FNBP4: variants seen among roughly 807,000 people sequenced by gnomAD.
FNBP4 encodes the protein formin-binding protein 4.
In FNBP4, 34 loss-of-function variants were observed where a neutral mutation model predicts 119.3. The observed-to-expected ratio is 0.28, with a 90% CI of 0.22 to 0.38. The LOEUF is 0.38. Ranked by LOEUF, FNBP4 falls within the 10% of genes least tolerant of loss-of-function variation. FNBP4 has a pLI of 1.00. For missense variants in FNBP4, 1,112 were observed against 1,228.9 expected (o/e 0.90, Z 1.42); for synonymous variants, 462 against 430.6 (o/e 1.07, Z -0.90).
chr11:47,733,089 G>A (rs1055689270), intron 10 of FNBP4, among the ~76,000 whole-genome samples: 2 of 152,184 alleles, frequency 1.3e-5, no homozygotes, highest in African/African-American at 4.8e-5. Flanking sequence ...TTGCACTCCA[G>A]CCTGGGCGAC....
chr11:47,741,050 G>A (rs1269398548), intron 8 of FNBP4, among the ~76,000 whole-genome samples: 2 of 150,750 alleles, frequency 1.3e-5, no homozygotes, highest in Admixed American at 1.3e-4. Context: ...TGCAGTTTTG[G>A]TAGAGACGGG....
intron 7 of FNBP4, 59 bp downstream of exon 7, chr11:47,745,997 G>A: frequency 1.5e-6 from 2 of 1,343,806 alleles, no homozygotes; most frequent in Non-Finnish European, 2.0e-6. Context: ...CAAGCACAAT[G>A]ATCCCTGTAG....
chr11:47,743,860 T>G (rs1325012536), intron 8 of FNBP4, 93 bp downstream of exon 8: 1 of 1,106,628 alleles, frequency 9.0e-7, no homozygotes, highest in Non-Finnish European at 1.3e-6. Context: ...AAGTACAATC[T>G]CCTGTTTTGT....
In FNBP4 at chr11:47,737,193, AAAAT is replaced by A. The variant is rs199781894; in HGVS notation, c.1457-457_1457-454del. ...GTGACAGAGTGAGACTCCATCTCAA[AAAAT>A]AAATAAATAAAATAAAAATCCTTTA... On this transcript the variant is annotated intron_variant, in intron 8 of 16. Coordinates refer to ENST00000263773, the MANE Select transcript of FNBP4 (RefSeq NM_015308.5). 5.5e-3 allele frequency among the ~76,000 whole-genome samples: 835 copies of A among 152,276 alleles called. 9 individuals are homozygous for A. Among genetic ancestry groups the A allele is most frequent in the African/African-American group, 0.017 (717 of 41,558 alleles).
Position 47,723,028 on chromosome 11 carries a change from G to T in FNBP4, c.2753C>A (p.Pro918Gln). ...TTCAGGTGGTGGCATTTTGGGAGCT[G>T]GTGGTGGTGGAGGAGGAGGAGGAGG... is the stretch of plus-strand genomic sequence containing the variant. ...PPPPPPPPPP[P>Q]APKMPPPEKT... is the part of the protein sequence containing the mutation. The change falls in exon 15 of 17, where the codon CCA becomes CAA. Residue 918 changes from proline to glutamine, a missense_variant. Physicochemically the swap from Pro to Gln is moderately conservative, Grantham distance 76. Around this residue, in one of 2 missense-constraint regions of FNBP4, gnomAD observed 826 missense variants for 988.8 expected, o/e 0.84. Coordinates refer to ENST00000263773, the MANE Select transcript of FNBP4 (RefSeq NM_015308.5). 6.4e-7 allele frequency: 1 copy of T among 1,572,594 alleles called. No homozygotes were observed. The highest frequency in any genetic ancestry group is 1.2e-5 in the South Asian group (1 of 86,610).
At position 47,754,767 on chromosome 11, in the gene FNBP4, G is replaced by C. The variant is rs1316675567; in HGVS notation, c.314-103C>G. 2.3e-6 allele frequency: 3 copies of C among 1,285,304 alleles called. No individual in the cohort carries two copies. The East Asian group carries it at 7.1e-5, about 31-fold the overall frequency. The allele number at this position is 1,285,304 out of a possible 1,614,324, so 79.6% of individuals were successfully genotyped here. On this transcript the variant is annotated intron_variant, in intron 2 of 16. Transcript: ENST00000263773. ...CATGTTTTTTTTAAACTTACTTACA[G>C]ATTAGAACATAACCGCAAAACTAAT...
At chr11:47,744,553 C>G (rs968388261) in intron 7 of FNBP4, among the ~76,000 whole-genome samples, 3 of 152,254 alleles carry the variant, frequency 2.0e-5, no homozygotes, top group Admixed American at 6.5e-5. Context: ...TGAGCCACTG[C>G]ACTCGGCCTA....
At chr11:47,751,715 G>A (rs750173406) in intron 4 of FNBP4, among the ~76,000 whole-genome samples, 40 of 152,116 alleles carry the variant, frequency 2.6e-4, no homozygotes, top group Non-Finnish European at 1.2e-4. Flanking sequence ...CATTTGGGAG[G>A]CCAAGGTGGG....
intron 2 of FNBP4, among the ~76,000 whole-genome samples, chr11:47,764,971 T>A (rs1224539562): frequency 6.6e-6 from 1 of 151,832 alleles, no homozygotes; most frequent in Non-Finnish European, 1.5e-5. Flanking sequence ...GGAATAGGAG[T>A]TGGCATGCCT....
In FNBP4 at chr11:47,739,903, C is replaced by T. The variant is rs539999200; in HGVS notation, c.1457-3163G>A. 5.9e-3 allele frequency among the ~76,000 whole-genome samples: 904 copies of T among 152,200 alleles called. 4 individuals carry two copies. The highest frequency in any genetic ancestry group is 7.3e-3 in the Non-Finnish European group (496 of 68,018). ...AAGCGATTCTCCTGCCTCAGCCTCC[C>T]GAGTAGCTGGGATTACAGGCATGCG... On this transcript the variant is annotated intron_variant, in intron 8 of 16. Transcript: ENST00000263773.
At chr11:47,722,548 T>G (rs2097557033) in intron 15 of FNBP4, among the ~76,000 whole-genome samples, 1 of 152,258 alleles carries the variant, frequency 6.6e-6, no homozygotes, top group African/African-American at 2.4e-5. Flanking sequence ...ACAGATTTCT[T>G]AAATAAGGTC....
intron 1 of FNBP4, 146 bp downstream of exon 1, chr11:47,766,923 C>T (rs2097648848): frequency 7.4e-7 from 1 of 1,353,484 alleles, no homozygotes. Context: ...GGCCCGGAGC[C>T]CAGGGCCGCC....
intron 1 of FNBP4, among the ~76,000 whole-genome samples, chr11:47,765,764 G>A (rs1287274958): frequency 6.6e-6 from 1 of 151,542 alleles, no homozygotes; most frequent in Non-Finnish European, 1.5e-5. Flanking sequence ...TGCAGCCTGG[G>A]CCACAGAGGA....
chr11:47,730,854 G>A (rs1349555330), intron 12 of FNBP4, among the ~76,000 whole-genome samples: 1 of 152,190 alleles, frequency 6.6e-6, no homozygotes, highest in East Asian at 1.9e-4. Flanking sequence ...AAGATTGCTG[G>A]TGATTTTTCA....
At chr11:47,731,287 G>T in intron 12 of FNBP4, 87 bp downstream of exon 12, 1 of 1,251,182 alleles carries the variant, frequency 8.0e-7, no homozygotes. Flanking sequence ...ATATTATTAT[G>T]ACATAAAATC....
In FNBP4 at chr11:47,731,556, T is replaced by C; in HGVS notation, c.1826A>G (p.His609Arg). Reference sequence around the variant, plus strand: ...TTCGTTTACATAGAAATACCGTCTATGATCCCTAAATTACAAGAAAGAAAA... The same window carrying C: ...TTCGTTTACATAGAAATACCGTCTACGATCCCTAAATTACAAGAAAGAAAA... Reference protein sequence around the residue: ...KGWSCHWDRDHRRYFYVNEQS... With the variant: ...KGWSCHWDRDRRRYFYVNEQS... Residue 609 changes from histidine to arginine, a missense_variant, in exon 12 of 17, where the codon CAT becomes CGT. This residue lies in a region of FNBP4 where 826 missense variants were observed against 988.8 expected (regional missense o/e 0.84). Transcript: ENST00000263773. 1.9e-6 allele frequency: 3 copies of C among 1,600,882 alleles called. No individual in the cohort carries two copies. Among genetic ancestry groups the C allele is most frequent in the Non-Finnish European group, 1.7e-6 (2 of 1,176,538 alleles).
intron 3 of FNBP4, among the ~76,000 whole-genome samples, chr11:47,753,793 C>T (rs924182214): frequency 1.3e-5 from 2 of 151,696 alleles, no homozygotes; most frequent in Admixed American, 6.6e-5. Context: ...GACCCAGTCT[C>T]GAGGGAGAAA....
rs766300484 is a variant in FNBP4, at chr11:47,732,589, T to G, written c.1768A>C (p.Lys590Gln). 2 of 1,614,164 alleles carry G rather than the reference T, an allele frequency of 1.2e-6. No homozygotes were observed. The highest frequency in any genetic ancestry group is 4.5e-5 in the East Asian group (2 of 44,886). ...RKLQDAAEQLKQYEINATPKG... is the reference protein window; with the variant it reads ...RKLQDAAEQLQQYEINATPKG... Reference sequence around the variant, plus strand: ...GGAGTGGCGTTTATTTCATACTGTTTTAGTTGTTCTGCTGCATCCTGAAGT... The same window carrying G: ...GGAGTGGCGTTTATTTCATACTGTTGTAGTTGTTCTGCTGCATCCTGAAGT... The change falls in exon 11 of 17, where the codon AAA (lysine) becomes CAA (glutamine). Residue 590 changes from lysine (K) to glutamine (Q), a missense_variant. By Grantham distance (53) the Lys-to-Gln change is moderately conservative (BLOSUM62 1). Around this residue, in one of 2 missense-constraint regions of FNBP4, gnomAD observed 826 missense variants for 988.8 expected, o/e 0.84. Transcript: ENST00000263773. This position sits in a 1 kb window ranked among gnomAD's most constrained non-coding sequence, Gnocchi z 4.2.
rs990405197 is a variant in FNBP4 at position 47,732,888 on chromosome 11, C to T, written c.1687-218G>A. ...ATCCCAGCACTTTGGGAGGCTGAGGCGGGTGGATCACCTGAGGTCAGGAGT... is the reference window on the plus strand; with the variant it reads ...ATCCCAGCACTTTGGGAGGCTGAGGTGGGTGGATCACCTGAGGTCAGGAGT... On this transcript the variant is annotated intron_variant, in intron 10 of 16. Transcript: ENST00000263773. The surrounding 1 kb of genome is among the most constrained non-coding windows in gnomAD (Gnocchi z 4.2). Among the ~76,000 whole-genome samples, 14 of 152,246 alleles carry T rather than the reference C, an allele frequency of 9.2e-5. No individual in the cohort carries two copies. The highest frequency in any genetic ancestry group is 3.4e-4 in the African/African-American group (14 of 41,534).
Sources: allele counts gnomAD v4.1 joint callset (sites outside exome capture counted in the v4.1 genomes callset), GRCh38; gene constraint gnomAD v4.1.1; regional missense constraint gnomAD v4.1.1; non-coding constraint Gnocchi (gnomAD v3.1); transcripts MANE v1.5; gene names NCBI Gene and HGNC (gene_info 2026-07-23, HGNC 2026-07-21).